The following PDZD2 variants were observed in gnomAD, a reference collection of about 807,000 sequenced individuals.
The protein encoded by PDZD2 is PDZ domain containing 2, also known as PDZ domain-containing protein 2.
In PDZD2, 90 loss-of-function variants were observed where a neutral mutation model predicts 220.7. The ratio of observed to expected loss-of-function variants is 0.41; its 90% CI spans 0.34 to 0.49. PDZD2 has a LOEUF of 0.49. Among genes scored for constraint, PDZD2 ranks in the 20% least tolerant of loss-of-function variants. PDZD2 has a pLI of 0.28. For synonymous variants in PDZD2, 1,375 were observed against 1,450.5 expected, an observed-to-expected ratio of 0.95 and a Z score of 1.18; for missense variants, 3,174 against 3,608.5, an observed-to-expected ratio of 0.88 and a Z score of 3.08.
chr5:31,674,346 T>C (rs1746325006), intron 1 of PDZD2, among the ~76,000 whole-genome samples: 1 of 152,242 alleles, frequency 6.6e-6, no homozygotes, highest in African/African-American at 2.4e-5. Context: ...CAGAGCTTTA[T>C]GCTACACTTA....
At chr5:31,653,925 C>T (rs1336627506) in intron 1 of PDZD2, among the ~76,000 whole-genome samples, 2 of 152,190 alleles carry the variant, frequency 1.3e-5, no homozygotes, top group Admixed American at 1.3e-4. Flanking sequence ...GCTGGGATTA[C>T]AGGCGCCCGC....
At chr5:31,919,401 C>A (rs555387547) in intron 2 of PDZD2, among the ~76,000 whole-genome samples, 1 of 150,564 alleles carries the variant, frequency 6.6e-6, no homozygotes, top group East Asian at 1.9e-4. Flanking sequence ...GGCTAGAGTG[C>A]GGCGGTACGA....
At chr5:31,805,068 G>A (rs1374507459) in intron 2 of PDZD2, among the ~76,000 whole-genome samples, 3 of 152,160 alleles carry the variant, frequency 2.0e-5, no homozygotes, top group African/African-American at 7.2e-5. Flanking sequence ...GGTGATGCAT[G>A]CCTGTAATCC....
chr5:31,775,812 G>T (rs1190205050), intron 1 of PDZD2, among the ~76,000 whole-genome samples: 1 of 151,924 alleles, frequency 6.6e-6, no homozygotes, highest in Non-Finnish European at 1.5e-5. Context: ...GGTGCCAAAG[G>T]TCTCCCACAC....
intron 18 of PDZD2, among the ~76,000 whole-genome samples, chr5:32,075,534 C>A (rs1047773282): frequency 6.6e-6 from 1 of 152,154 alleles, no homozygotes; most frequent in Non-Finnish European, 1.5e-5. Flanking sequence ...AATGCATTCA[C>A]TTAGAAATTG....
intron 1 of PDZD2, among the ~76,000 whole-genome samples, chr5:31,664,583 C>T (rs532696103): frequency 3.3e-5 from 5 of 152,276 alleles, no homozygotes; most frequent in Non-Finnish European, 5.9e-5. Context: ...AAACCTGCCC[C>T]GGCTGTCTTG....
At chr5:32,039,330 C>G (rs1176581348) in intron 7 of PDZD2, among the ~76,000 whole-genome samples, 3 of 151,882 alleles carry the variant, frequency 2.0e-5, no homozygotes, top group Admixed American at 6.6e-5. Context: ...TGGTCTCCAG[C>G]TCCTGGCCTC....
chr5:31,761,080 G>A (rs1193918521), intron 1 of PDZD2, among the ~76,000 whole-genome samples: 2 of 152,252 alleles, frequency 1.3e-5, no homozygotes, highest in East Asian at 1.9e-4. Flanking sequence ...TGGTGGTGAC[G>A]GGAGTGGTGC....
chr5:31,727,760 C>A (rs550630737), intron 1 of PDZD2, among the ~76,000 whole-genome samples: 1 of 148,238 alleles, frequency 6.7e-6, no homozygotes, highest in Non-Finnish European at 1.5e-5. Flanking sequence ...CCCAACACTT[C>A]CGGAGGCCGA....
chr5:32,051,185 A>C (rs1456455751), intron 8 of PDZD2, among the ~76,000 whole-genome samples: 1 of 152,148 alleles, frequency 6.6e-6, no homozygotes, highest in Non-Finnish European at 1.5e-5. Context: ...GAGTTCCCTT[A>C]GGAGTTCACA....
intron 2 of PDZD2, among the ~76,000 whole-genome samples, chr5:31,895,847 C>A (rs1000438368): frequency 1.6e-4 from 24 of 152,288 alleles, no homozygotes; most frequent in African/African-American, 5.8e-4. Context: ...CCCCACCCTG[C>A]CTCTGTCCTT....
chr5:31,983,986 T>G (rs1750514034), intron 3 of PDZD2, among the ~76,000 whole-genome samples: 1 of 152,192 alleles, frequency 6.6e-6, no homozygotes, highest in South Asian at 2.1e-4. Flanking sequence ...GAGGTCCAGA[T>G]AAAGTACTTC....
chr5:32,039,613 G>A (rs1426025489), intron 7 of PDZD2, among the ~76,000 whole-genome samples: 6 of 152,004 alleles, frequency 3.9e-5, no homozygotes, highest in African/African-American at 1.2e-4. Flanking sequence ...CCCCGTCTGG[G>A]AAGTGAGGAG....
At chr5:31,726,768 G>A (rs1749169840) in intron 1 of PDZD2, among the ~76,000 whole-genome samples, 1 of 152,160 alleles carries the variant, frequency 6.6e-6, no homozygotes, top group South Asian at 2.1e-4. Context: ...GCACAAGTTT[G>A]GCCCAGAAAG....
chr5:31,920,278 G>A (rs529092061), intron 2 of PDZD2, among the ~76,000 whole-genome samples: 69 of 141,740 alleles, frequency 4.9e-4, no homozygotes, highest in African/African-American at 1.6e-3. Flanking sequence ...AGTGAGACCC[G>A]GTTTCAAAAA....
intron 2 of PDZD2, among the ~76,000 whole-genome samples, chr5:31,951,733 G>A (rs1747201107): frequency 6.6e-6 from 1 of 152,162 alleles, no homozygotes; most frequent in African/African-American, 2.4e-5. Flanking sequence ...ATGAAAGAGA[G>A]GTTTTGTGCC....
At chr5:31,766,123 T>G (rs1751990820) in intron 1 of PDZD2, among the ~76,000 whole-genome samples, 1 of 152,116 alleles carries the variant, frequency 6.6e-6, no homozygotes, top group South Asian at 2.1e-4. Context: ...GAGGCTGCAG[T>G]GAGCAGTGAT....
intron 2 of PDZD2, among the ~76,000 whole-genome samples, chr5:31,915,493 A>G (rs1743603735): frequency 6.6e-6 from 1 of 152,116 alleles, no homozygotes; most frequent in African/African-American, 2.4e-5. Context: ...TTCAGCCTAG[A>G]AGCAGGCAAA....
chr5:31,922,524 A>C (rs1304534399), intron 2 of PDZD2, among the ~76,000 whole-genome samples: 1 of 152,172 alleles, frequency 6.6e-6, no homozygotes, highest in African/African-American at 2.4e-5. Flanking sequence ...TAAATTTTTA[A>C]AACTGAGCAT....
Sources: allele counts gnomAD v4.1 joint callset (sites outside exome capture counted in the v4.1 genomes callset), GRCh38; gene constraint gnomAD v4.1.1; transcripts MANE v1.5; gene names NCBI Gene and HGNC (gene_info 2026-07-23, HGNC 2026-07-21).